SAMD3: variants seen among roughly 807,000 people sequenced by gnomAD.
SAMD3 encodes sterile alpha motif domain-containing protein 3.
Under a neutral mutation model 58.5 loss-of-function variants are expected in SAMD3, and 63 were observed. The ratio of observed to expected loss-of-function variants is 1.08; its 90% CI spans 0.88 to 1.33. The LOEUF is 1.33. SAMD3 is among the 40% of genes most tolerant of loss of function. The pLI, the probability that SAMD3 is intolerant of heterozygous loss-of-function variation, is 0.00. For missense variants in SAMD3, 604 were observed against 608.4 expected (o/e 0.99, Z 0.08); for synonymous variants, 220 against 210.3 (o/e 1.05, Z -0.40).
chr6:130,303,644 G>GC (rs1421714491), intron 2 of SAMD3, among the ~76,000 whole-genome samples: 2 of 152,038 alleles, frequency 1.3e-5, no homozygotes. Context: ...GGCCACACAT[G>GC]CAAAAACACA....
At chr6:130,225,362 G>A (rs1274706899), upstream of SAMD3, among the ~76,000 whole-genome samples, 1 of 152,132 alleles carries the variant, frequency 6.6e-6, no homozygotes, top group Non-Finnish European at 1.5e-5. Context: ...AATATGTATG[G>A]GAAAACAAGA....
intron 1 of SAMD3, among the ~76,000 whole-genome samples, chr6:130,322,912 A>G (rs1776632965): frequency 6.6e-6 from 1 of 152,234 alleles, no homozygotes; most frequent in Admixed American, 6.5e-5. Context: ...AAAATGGAAT[A>G]GGCTTGACTC....
At chr6:130,339,876 GC>G (rs1481141070) in intron 1 of SAMD3, among the ~76,000 whole-genome samples, 2 of 132,984 alleles carry the variant, frequency 1.5e-5, no homozygotes, top group African/African-American at 6.4e-5. Context: ...AAAGATGATA[GC>G]CTTTCCAATT....
chr6:130,309,127 G>C (rs1395407689), intron 2 of SAMD3, among the ~76,000 whole-genome samples: 1 of 152,152 alleles, frequency 6.6e-6, no homozygotes, highest in Non-Finnish European at 1.5e-5. Context: ...ACAAGAGACA[G>C]AGTATTTCAA....
At chr6:130,166,131 A>G (rs1227988336) in intron 8 of SAMD3, among the ~76,000 whole-genome samples, 3 of 152,090 alleles carry the variant, frequency 2.0e-5, no homozygotes, top group Admixed American at 1.3e-4. Flanking sequence ...TCCTCCATTC[A>G]TGGCACCACA....
chr6:130,294,576 T>G (rs1367845080), intron 2 of SAMD3, among the ~76,000 whole-genome samples: 1 of 152,142 alleles, frequency 6.6e-6, no homozygotes, highest in Non-Finnish European at 1.5e-5. Context: ...CATGACATAT[T>G]TATTAATGTT....
chr6:130,247,246 G>T (rs979661194), intron 2 of SAMD3, among the ~76,000 whole-genome samples: 2 of 152,146 alleles, frequency 1.3e-5, no homozygotes, highest in African/African-American at 4.8e-5. Flanking sequence ...GAGGCGGGCG[G>T]ATCACCTTAG....
intron 5 of SAMD3, among the ~76,000 whole-genome samples, chr6:130,201,526 G>T (rs1172880492): frequency 6.6e-6 from 1 of 152,188 alleles, no homozygotes; most frequent in African/African-American, 2.4e-5. Flanking sequence ...AATTTGAGAA[G>T]AATCAGTTTA....
intron 2 of SAMD3, among the ~76,000 whole-genome samples, chr6:130,258,892 G>A (rs1456998417): frequency 6.6e-6 from 1 of 152,080 alleles, no homozygotes; most frequent in Non-Finnish European, 1.5e-5. Context: ...AGTGATTTTA[G>A]CAAGTAGATT....
upstream of SAMD3, among the ~76,000 whole-genome samples, chr6:130,227,714 G>C (rs187250929): frequency 2.0e-5 from 3 of 151,670 alleles, no homozygotes; most frequent in East Asian, 5.8e-4. Context: ...CTTGAACCTG[G>C]TAGGCAGAGG....
chr6:130,325,358 G>C (rs540276004), intron 1 of SAMD3, among the ~76,000 whole-genome samples: 1 of 152,292 alleles, frequency 6.6e-6, no homozygotes, highest in African/African-American at 2.4e-5. Flanking sequence ...GAGTCTGAAG[G>C]CTGGAGAACC....
chr6:130,143,461 C>G (rs1366972170), downstream of SAMD3, among the ~76,000 whole-genome samples: 1 of 152,142 alleles, frequency 6.6e-6, no homozygotes, highest in Non-Finnish European at 1.5e-5. Context: ...CCAGGCTGGT[C>G]TCGAACTCCT....
chr6:130,334,389 T>C (rs1414496726), intron 1 of SAMD3, among the ~76,000 whole-genome samples: 1 of 142,824 alleles, frequency 7.0e-6, no homozygotes, highest in East Asian at 2.0e-4. Flanking sequence ...CATTGGGTTT[T>C]GGTCTAATGC....
intron 1 of SAMD3, among the ~76,000 whole-genome samples, chr6:130,324,501 C>T (rs1263488123): frequency 6.6e-6 from 1 of 152,122 alleles, no homozygotes; most frequent in Non-Finnish European, 1.5e-5. Flanking sequence ...TTTTTACCAT[C>T]AAAATATAAA....
chr6:130,308,398 C>CTATTCTATTCTATT, intron 2 of SAMD3, among the ~76,000 whole-genome samples: 3 of 145,638 alleles, frequency 2.1e-5, no homozygotes, highest in Admixed American at 6.9e-5. Flanking sequence ...CTATTCTATT[C>CTATTCTATTCTATT]TATTCTATTC....
At chr6:130,197,078 C>T (rs1794196045) in intron 5 of SAMD3, among the ~76,000 whole-genome samples, 2 of 152,342 alleles carry the variant, frequency 1.3e-5, no homozygotes, top group African/African-American at 4.8e-5. Context: ...CCAAGCTCAG[C>T]CACCAACTTA....
At position 130,230,513 on chromosome 6, in the gene SAMD3, G is replaced by A. The variant is rs183152473; in HGVS notation, c.-187-7700C>T. Among the ~76,000 whole-genome samples the A allele has an allele frequency of 1.4e-3, 217 of 152,064 alleles. 2 individuals are homozygous for A. The highest frequency in any genetic ancestry group is 5.0e-3 in the African/African-American group (206 of 41,474). On this transcript the variant is annotated intron_variant, in intron 2 of 13. Coordinates refer to the SAMD3 transcript ENST00000368134. ...AGCGATTCTCCTGCCTCAGCCTCCC[G>A]AGTAGCTGGGATTACAGGTGCCCGC...
At position 130,342,329 on chromosome 6, in the gene SAMD3, T is replaced by C. The variant is rs547743506; in HGVS notation, c.-304+22791A>G. Among the ~76,000 whole-genome samples the C allele has an allele frequency of 5.3e-5, 8 of 152,348 alleles. No individual in the cohort carries two copies. The South Asian group carries it at 1.7e-3, about 32-fold the overall frequency. Reference sequence around the variant, plus strand: ...GGAATCATAATGAGCTGTTTTTTGCTATCATGCATAAACTGAGCAGGAGCT... The same window carrying C: ...GGAATCATAATGAGCTGTTTTTTGCCATCATGCATAAACTGAGCAGGAGCT... On this transcript the variant is annotated intron_variant, in intron 1 of 13. Coordinates refer to the SAMD3 transcript ENST00000368134.
chr6:130,210,104 G>A (rs920973646), intron 4 of SAMD3, among the ~76,000 whole-genome samples: 2 of 152,104 alleles, frequency 1.3e-5, no homozygotes, highest in Non-Finnish European at 2.9e-5. Flanking sequence ...AGCAACTCCT[G>A]GTGAGCTACT....
Sources: allele counts gnomAD v4.1 joint callset (sites outside exome capture counted in the v4.1 genomes callset), GRCh38; gene constraint gnomAD v4.1.1; transcripts MANE v1.5; gene names NCBI Gene and HGNC (gene_info 2026-07-23, HGNC 2026-07-21).